ULK4: variants seen among roughly 807,000 people sequenced by gnomAD.
ULK4 encodes the protein inactive serine/threonine-protein kinase ULK4.
A neutral mutation model predicts 160.6 loss-of-function variants in ULK4; 133 were observed. The ratio of observed to expected loss-of-function variants is 0.83; its 90% confidence interval spans 0.72 to 0.96. The LOEUF is 0.96. Among genes scored for constraint, ULK4 ranks in the 40% least tolerant of loss-of-function variants. The pLI is 0.00. For missense variants in ULK4, 1,580 were observed against 1,499.5 expected (o/e 1.05, Z -0.89); for synonymous variants, 534 against 539.8 (o/e 0.99, Z 0.15).
chr3:41,936,080 T>C (rs958821140), intron 3 of ULK4, 140 bp from the exon 4 acceptor site: 1 of 1,083,068 alleles, frequency 9.2e-7, no homozygotes, highest in Non-Finnish European at 1.3e-6. Context: ...GGAACACACA[T>C]GTGAGTAAAT....
chr3:41,375,143 C>T (rs2081456812), intron 35 of ULK4, among the ~76,000 whole-genome samples: 1 of 152,082 alleles, frequency 6.6e-6, no homozygotes, highest in South Asian at 2.1e-4. Flanking sequence ...AGGACATAAA[C>T]AAATGGAAAA....
At chr3:41,785,019 T>A (rs1369795355) in intron 21 of ULK4, among the ~76,000 whole-genome samples, 1 of 152,138 alleles carries the variant, frequency 6.6e-6, no homozygotes, top group Non-Finnish European at 1.5e-5. Flanking sequence ...AAATTACAAA[T>A]AAATGGTACC....
intron 30 of ULK4, among the ~76,000 whole-genome samples, chr3:41,643,311 T>C (rs1316591733): frequency 1.3e-5 from 2 of 152,184 alleles, no homozygotes; most frequent in Admixed American, 6.5e-5. Context: ...CTTCTACGGT[T>C]TTTATGGTTT....
intron 22 of ULK4, among the ~76,000 whole-genome samples, chr3:41,743,125 T>C (rs536405899): frequency 6.6e-6 from 1 of 151,806 alleles, no homozygotes; most frequent in Admixed American, 6.6e-5. Flanking sequence ...AAGAAGCTGA[T>C]CAAACTCCAA....
intron 34 of ULK4, among the ~76,000 whole-genome samples, chr3:41,409,726 AT>A (rs1167427609): frequency 2.0e-5 from 3 of 152,166 alleles, no homozygotes; most frequent in Non-Finnish European, 2.9e-5. Context: ...AGGCAGGTGG[AT>A]CACCTGAGGT....
chr3:41,640,301 T>A (rs1214227124), intron 30 of ULK4, among the ~76,000 whole-genome samples: 2 of 152,200 alleles, frequency 1.3e-5, no homozygotes, highest in African/African-American at 4.8e-5. Context: ...TAAAAATGAC[T>A]GGTGAATTGA....
intron 22 of ULK4, among the ~76,000 whole-genome samples, chr3:41,721,355 T>C (rs1379120798): frequency 1.5e-5 from 1 of 68,344 alleles, no homozygotes; most frequent in Non-Finnish European, 2.6e-5. Flanking sequence ...TATATATATA[T>C]ATATATATTT....
At chr3:41,471,380 A>T (rs906049398) in intron 32 of ULK4, among the ~76,000 whole-genome samples, 4 of 152,190 alleles carry the variant, frequency 2.6e-5, no homozygotes, top group Non-Finnish European at 5.9e-5. Flanking sequence ...AAATGGAGAG[A>T]TAGACTGCAA....
chr3:41,824,737 G>C (rs138573207), intron 18 of ULK4, among the ~76,000 whole-genome samples: 7 of 152,078 alleles, frequency 4.6e-5, no homozygotes, highest in Non-Finnish European at 7.4e-5. Context: ...CCACCTCTGG[G>C]GGCAGGGCAT....
intron 35 of ULK4, among the ~76,000 whole-genome samples, chr3:41,254,197 T>A (rs2078790440): frequency 6.6e-6 from 1 of 152,194 alleles, no homozygotes; most frequent in Non-Finnish European, 1.5e-5. Context: ...TATTCACATA[T>A]ATTGCAAGAA....
intron 30 of ULK4, among the ~76,000 whole-genome samples, chr3:41,650,143 G>A (rs2034681864): frequency 1.3e-5 from 2 of 152,062 alleles, no homozygotes; most frequent in East Asian, 1.9e-4. Context: ...ACCCACTTTG[G>A]GTCTCCTGGG....
intron 30 of ULK4, among the ~76,000 whole-genome samples, chr3:41,652,274 T>G (rs35766766): frequency 0.01 from 1,598 of 152,296 alleles, 79 homozygotes; most frequent in East Asian, 0.082. Context: ...TTAGATCAAT[T>G]ACCTTTGATC....
At chr3:41,466,464 G>C (rs976074593) in intron 32 of ULK4, among the ~76,000 whole-genome samples, 2 of 152,080 alleles carry the variant, frequency 1.3e-5, no homozygotes, top group Non-Finnish European at 2.9e-5. Flanking sequence ...TCCAAATGGG[G>C]GGAAAAGAGA....
chr3:41,281,388 T>C (rs1032157491), intron 35 of ULK4, among the ~76,000 whole-genome samples: 1 of 152,156 alleles, frequency 6.6e-6, no homozygotes, highest in Non-Finnish European at 1.5e-5. Flanking sequence ...TGAACATCAA[T>C]GTGAAAATCC....
At chr3:41,953,305 T>TATATA (rs1491089866) in intron 2 of ULK4, among the ~76,000 whole-genome samples, 191 of 91,744 alleles carry the variant, frequency 2.1e-3, no homozygotes, top group Middle Eastern at 7.4e-3. Flanking sequence ...TATATATATA[T>TATATA]TTTTTTTTTT....
At chr3:41,688,220 G>A (rs1402916510) in intron 27 of ULK4, among the ~76,000 whole-genome samples, 1 of 151,622 alleles carries the variant, frequency 6.6e-6, no homozygotes, top group African/African-American at 2.4e-5. Context: ...CCACAGAGGA[G>A]CCATTCAGAG....
chr3:41,594,911 T>C (rs1313447089), intron 31 of ULK4, among the ~76,000 whole-genome samples: 2 of 151,874 alleles, frequency 1.3e-5, no homozygotes, highest in African/African-American at 2.4e-5. Flanking sequence ...AATCGAGCTA[T>C]GTTTAGGAGA....
At chr3:41,381,902 CCTT>C (rs766706093) in intron 35 of ULK4, among the ~76,000 whole-genome samples, 1 of 152,078 alleles carries the variant, frequency 6.6e-6, no homozygotes, top group African/African-American at 2.4e-5. Context: ...CTATTTGTCT[CCTT>C]CTTGCTCAAT....
At chr3:41,799,766 C>T (rs141645772) in intron 20 of ULK4, among the ~76,000 whole-genome samples, 10,684 of 151,948 alleles carry the variant, frequency 0.07, 1,179 homozygotes, top group African/African-American at 0.24. Context: ...GGGAGGCTGA[C>T]GCAGTAGAAT....
Sources: gnomAD v4.1 joint callset for allele counts (sites outside exome capture counted in the v4.1 genomes callset) on GRCh38, gnomAD v4.1.1 for gene constraint, MANE v1.5 for transcripts, NCBI Gene and HGNC (gene_info 2026-07-23, HGNC 2026-07-21) for gene names.